Variants in OTOGL observed in about 807,000 individuals in gnomAD.
The protein encoded by OTOGL is otogelin-like protein.
Under a neutral mutation model 318.5 loss-of-function variants are expected in OTOGL, and 285 were observed. The observed-to-expected ratio is 0.89, with a 90% CI of 0.81 to 0.99. The LOEUF (loss-of-function observed/expected upper bound fraction) is 0.99. Among genes scored for constraint, OTOGL ranks in the 50% least tolerant of loss-of-function variants. OTOGL has a pLI of 0.00. For missense variants in OTOGL, 2,899 were observed against 2,845.6 expected, an observed-to-expected ratio of 1.02 and a Z score of -0.43; for synonymous variants, 987 against 936.5, an observed-to-expected ratio of 1.05 and a Z score of -0.99.
chr12:80,128,858 C>T (rs1165929326), intron 1 of OTOGL, among the ~76,000 whole-genome samples: 2 of 152,214 alleles, frequency 1.3e-5, no homozygotes, highest in African/African-American at 4.8e-5. Flanking sequence ...GATACAATCT[C>T]CTGGTGTGCC....
chr12:80,138,736 A>C (rs1385996976), intron 1 of OTOGL, among the ~76,000 whole-genome samples: 1 of 152,212 alleles, frequency 6.6e-6, no homozygotes, highest in African/African-American at 2.4e-5. Flanking sequence ...GTATAATAAC[A>C]GACTGTAGCT....
intron 34 of OTOGL, among the ~76,000 whole-genome samples, chr12:80,322,144 G>T (rs1887377289): frequency 6.6e-6 from 1 of 152,146 alleles, no homozygotes; most frequent in Non-Finnish European, 1.5e-5. Flanking sequence ...TCTGCAAGTG[G>T]GAGAGAGAAA....
At chr12:80,202,490 C>T (rs555528325) in intron 1 of OTOGL, among the ~76,000 whole-genome samples, 1 of 152,260 alleles carries the variant, frequency 6.6e-6, no homozygotes, top group East Asian at 1.9e-4. Flanking sequence ...CCAGACAGGT[C>T]TCAAACTCCT....
chr12:80,306,401 T>C (rs1197006235), intron 29 of OTOGL, among the ~76,000 whole-genome samples: 1 of 152,244 alleles, frequency 6.6e-6, no homozygotes, highest in Non-Finnish European at 1.5e-5. Flanking sequence ...AAATTGGTTC[T>C]ATTCTTTCCT....
At chr12:80,325,187 G>A (rs1887600408) in intron 35 of OTOGL, among the ~76,000 whole-genome samples, 1 of 151,930 alleles carries the variant, frequency 6.6e-6, no homozygotes, top group Non-Finnish European at 1.5e-5. Context: ...CAGCCCCTCT[G>A]TAAGATCCAG....
At chr12:80,262,309 C>G (rs991204916) in intron 19 of OTOGL, among the ~76,000 whole-genome samples, 1 of 151,476 alleles carries the variant, frequency 6.6e-6, no homozygotes, top group Non-Finnish European at 1.5e-5. Context: ...CTGACAGTGG[C>G]TTTTATTTCC....
At chr12:80,308,643 C>A (rs1340256927) in intron 29 of OTOGL, among the ~76,000 whole-genome samples, 1 of 152,128 alleles carries the variant, frequency 6.6e-6, no homozygotes, top group Admixed American at 6.5e-5. Context: ...TGTAGCGAGC[C>A]GAGATCAGGC....
intron 4 of OTOGL, among the ~76,000 whole-genome samples, chr12:80,212,767 G>A (rs1367775018): frequency 6.6e-6 from 1 of 152,154 alleles, no homozygotes; most frequent in East Asian, 1.9e-4. Flanking sequence ...GTTTTTATTA[G>A]CGTTTTGTGA....
At chr12:80,354,480 C>T (rs1030021433) in intron 46 of OTOGL, among the ~76,000 whole-genome samples, 2 of 152,166 alleles carry the variant, frequency 1.3e-5, no homozygotes, top group East Asian at 1.9e-4. Flanking sequence ...ATTATATTTT[C>T]GAACAATGTT....
chr12:80,260,399 A>G (rs1468086319), intron 18 of OTOGL, among the ~76,000 whole-genome samples: 3 of 152,018 alleles, frequency 2.0e-5, no homozygotes, highest in Non-Finnish European at 4.4e-5. Context: ...GTTTGTCACA[A>G]TGGGTCAGCA....
intron 55 of OTOGL, among the ~76,000 whole-genome samples, chr12:80,369,086 C>T (rs1890729806): frequency 6.6e-6 from 1 of 151,574 alleles, no homozygotes; most frequent in Non-Finnish European, 1.5e-5. Flanking sequence ...GTTCCTTCAC[C>T]CTTTCTTTTC....
Position 80,358,789 on chromosome 12 carries a change from A to G in OTOGL, c.6226+14A>G, listed in dbSNP as rs780160987. The G allele has an allele frequency of 1.1e-5, 17 of 1,589,476 alleles. No homozygotes were observed. In the Middle Eastern group the frequency reaches 1.5e-3, roughly 140 times the overall value. ...CATGGCACTGTGGTAACTAATTTTC[A>G]TATTTTAAGGTTTCATTATAATAAG... On this transcript the variant is annotated intron_variant, in intron 51 of 58. Transcript: ENST00000547103.
At chr12:80,287,123 C>G (rs2137660902) in intron 26 of OTOGL, among the ~76,000 whole-genome samples, 1 of 151,376 alleles carries the variant, frequency 6.6e-6, no homozygotes, top group East Asian at 1.9e-4. Context: ...TTTCAAAGAA[C>G]TTATTTATTT....
At chr12:80,354,184 T>C (rs992446167) in intron 46 of OTOGL, among the ~76,000 whole-genome samples, 3 of 152,168 alleles carry the variant, frequency 2.0e-5, no homozygotes, top group Non-Finnish European at 1.5e-5. Flanking sequence ...CTAGCAGAAA[T>C]GGAATCTTTC....
intron 1 of OTOGL, among the ~76,000 whole-genome samples, chr12:80,108,936 G>GTGTGTGTATATATATATATA (rs1555268621): frequency 1.6e-5 from 2 of 128,244 alleles, no homozygotes; most frequent in Admixed American, 7.9e-5. Context: ...ATATGTGTGT[G>GTGTGTGTATATATATATATA]TATATATATA....
At chr12:80,145,379 G>T (rs542407216) in intron 1 of OTOGL, among the ~76,000 whole-genome samples, 3 of 151,892 alleles carry the variant, frequency 2.0e-5, no homozygotes, top group Non-Finnish European at 2.9e-5. Flanking sequence ...GATATGCGGC[G>T]TTATTTCTGA....
intron 1 of OTOGL, among the ~76,000 whole-genome samples, chr12:80,182,436 T>A (rs982230838): frequency 2.0e-5 from 3 of 152,082 alleles, no homozygotes; most frequent in African/African-American, 7.2e-5. Flanking sequence ...CCATAGGAAA[T>A]GAAAAGTTAA....
At chr12:80,199,789 A>G (rs1262097326) in intron 1 of OTOGL, among the ~76,000 whole-genome samples, 1 of 152,234 alleles carries the variant, frequency 6.6e-6, no homozygotes, top group African/African-American at 2.4e-5. Context: ...AGCTCAAACC[A>G]GGAGGAAAGC....
chr12:80,182,341 G>T (rs140255899), intron 1 of OTOGL, among the ~76,000 whole-genome samples: 1 of 152,240 alleles, frequency 6.6e-6, no homozygotes, highest in East Asian at 1.9e-4. Flanking sequence ...AAACTTGCCA[G>T]CATGCTAGAC....
Sources: gnomAD v4.1 joint callset for allele counts (sites outside exome capture counted in the v4.1 genomes callset) on GRCh38, gnomAD v4.1.1 for gene constraint, MANE v1.5 for transcripts, NCBI Gene and HGNC (gene_info 2026-07-23, HGNC 2026-07-21) for gene names.